The following CBFA2T2 variants were observed in gnomAD, a reference collection of about 807,000 sequenced individuals.
CBFA2T2 encodes protein CBFA2T2.
Under a neutral mutation model 62.2 loss-of-function variants are expected in CBFA2T2, and 11 were observed. That is an observed-to-expected ratio of 0.18 (90% CI 0.11 to 0.29). The LOEUF (loss-of-function observed/expected upper bound fraction) is 0.29. Among genes scored for constraint, CBFA2T2 ranks in the 10% least tolerant of loss-of-function variants. The pLI is 1.00. For missense variants in CBFA2T2, 592 were observed against 774.1 expected (o/e 0.76, Z 2.79); for synonymous variants, 295 against 287.5 (o/e 1.03, Z -0.27).
intron 1 of CBFA2T2, among the ~76,000 whole-genome samples, chr20:33,515,274 C>A (rs957494145): frequency 1.3e-5 from 2 of 148,772 alleles, no homozygotes; most frequent in Non-Finnish European, 3.0e-5. Flanking sequence ...TTGCTTGAAA[C>A]CTGGAGGTGG....
At chr20:33,536,004 A>G (rs1178834040) in intron 1 of CBFA2T2, among the ~76,000 whole-genome samples, 1 of 152,260 alleles carries the variant, frequency 6.6e-6, no homozygotes, top group Non-Finnish European at 1.5e-5. Context: ...ACCGATCAAC[A>G]GGATCCCAAG....
chr20:33,545,503 CA>C (rs1428999139), intron 1 of CBFA2T2, among the ~76,000 whole-genome samples: 2 of 131,310 alleles, frequency 1.5e-5, no homozygotes, highest in African/African-American at 6.5e-5. Context: ...GGCTGGAGTG[CA>C]ATGGCACGAT....
At chr20:33,638,630 CTG>C (rs1484672627) in intron 9 of CBFA2T2, 1 of 152,196 alleles carries the variant, frequency 6.6e-6, no homozygotes, top group Non-Finnish European at 1.5e-5. Context: ...GCCTAGAACT[CTG>C]TGTTTGAACC....
chr20:33,573,716 G>A (rs1253989841), intron 1 of CBFA2T2, among the ~76,000 whole-genome samples: 3 of 151,848 alleles, frequency 2.0e-5, no homozygotes, highest in African/African-American at 4.8e-5. Flanking sequence ...TCCTGACCTC[G>A]TGATCCGCCC....
At chr20:33,552,773 C>T (rs954873890) in intron 1 of CBFA2T2, among the ~76,000 whole-genome samples, 6 of 152,184 alleles carry the variant, frequency 3.9e-5, no homozygotes, top group African/African-American at 9.7e-5. Flanking sequence ...TCCTTCTGCA[C>T]GTTTAATGCT....
intron 9 of CBFA2T2, chr20:33,639,570 TCG>T (rs2016752758): frequency 6.8e-6 from 1 of 146,002 alleles, no homozygotes; most frequent in African/African-American, 2.5e-5. Context: ...CGGGACTCCG[TCG>T]CAAAAAAAAA....
intron 1 of CBFA2T2, among the ~76,000 whole-genome samples, chr20:33,580,105 C>G (rs960422364): frequency 2.6e-5 from 4 of 152,130 alleles, no homozygotes; most frequent in African/African-American, 9.7e-5. Context: ...GTGTGAGCCA[C>G]TGCGCCTGGC....
At chr20:33,503,797 G>T (rs908498941) in intron 1 of CBFA2T2, among the ~76,000 whole-genome samples, 1 of 151,996 alleles carries the variant, frequency 6.6e-6, no homozygotes, top group Non-Finnish European at 1.5e-5. Context: ...CTGGGATTCA[G>T]GCATATGCCA....
intron 1 of CBFA2T2, among the ~76,000 whole-genome samples, chr20:33,517,406 C>T (rs1438498415): frequency 6.6e-6 from 1 of 151,256 alleles, no homozygotes; most frequent in Non-Finnish European, 1.5e-5. Context: ...ATTATTTCCA[C>T]TATTGTAAAC....
intron 1 of CBFA2T2, among the ~76,000 whole-genome samples, chr20:33,493,956 T>C (rs988978567): frequency 2.0e-5 from 3 of 151,776 alleles, no homozygotes; most frequent in African/African-American, 7.3e-5. Flanking sequence ...CGATCTCGGC[T>C]CACTGCATCG....
At chr20:33,567,282 A>G (rs561494225) in intron 1 of CBFA2T2, among the ~76,000 whole-genome samples, 46 of 152,330 alleles carry the variant, frequency 3.0e-4, no homozygotes, top group African/African-American at 9.6e-4. Flanking sequence ...TTATCGTTCA[A>G]TCCTCAGCAG....
At position 33,544,985 on chromosome 20, in the gene CBFA2T2, T is replaced by TAGAACAGAACAGAACAGAAC. The variant is rs1465934143; in HGVS notation, c.34+54688_34+54689insCAGAACAGAACAGAACAGAA. On this transcript the variant is annotated intron_variant, in intron 1 of 10. Transcript: ENST00000342704. ...TAGAATAGAATAGAATAGAATAGAA[T>TAGAACAGAACAGAACAGAAC]AGAATAGAATAGAATAGAATAGAAT... is the stretch of plus-strand genomic sequence containing the variant. Among the ~76,000 whole-genome samples the TAGAACAGAACAGAACAGAAC allele has an allele frequency of 1.9e-3, 250 of 134,630 alleles. 2 individuals carry two copies. The highest frequency in any genetic ancestry group is 7.6e-3 in the African/African-American group (230 of 30,202). The allele number at this position is 134,630 out of a possible 152,430, so 88.3% of individuals were successfully genotyped here. A position where few individuals can be genotyped will look rare whatever the true frequency, so the allele number is the denominator to read the frequency against.
chr20:33,492,527 C>CT (rs1438490863), intron 1 of CBFA2T2, among the ~76,000 whole-genome samples: 1 of 151,240 alleles, frequency 6.6e-6, no homozygotes, highest in African/African-American at 2.4e-5. Context: ...TTCTTTTTTC[C>CT]TTTTTTTGAG....
chr20:33,625,789 A>G (rs2016198673), intron 6 of CBFA2T2, among the ~76,000 whole-genome samples: 1 of 152,150 alleles, frequency 6.6e-6, no homozygotes, highest in African/African-American at 2.4e-5. Context: ...CTCTACAACA[A>G]CAACAACAAA....
At chr20:33,534,460 G>C (rs762917129) in intron 1 of CBFA2T2, among the ~76,000 whole-genome samples, 2 of 151,954 alleles carry the variant, frequency 1.3e-5, no homozygotes, top group Non-Finnish European at 2.9e-5. Context: ...CTACAGGCAC[G>C]CGCCACCACG....
intron 1 of CBFA2T2, among the ~76,000 whole-genome samples, chr20:33,506,577 T>G (rs1371300090): frequency 6.6e-6 from 1 of 152,228 alleles, no homozygotes; most frequent in Non-Finnish European, 1.5e-5. Flanking sequence ...GTTTTCCTTC[T>G]GTGCCCTAAC....
At chr20:33,545,332 A>T (rs1244592772) in intron 1 of CBFA2T2, among the ~76,000 whole-genome samples, 1 of 152,216 alleles carries the variant, frequency 6.6e-6, no homozygotes, top group Non-Finnish European at 1.5e-5. Context: ...TTCCTGTGGA[A>T]CACTTAACTA....
At chr20:33,567,080 AT>A (rs1666145023) in intron 1 of CBFA2T2, among the ~76,000 whole-genome samples, 1 of 152,234 alleles carries the variant, frequency 6.6e-6, no homozygotes, top group Non-Finnish European at 1.5e-5. Flanking sequence ...ACAACATATT[AT>A]AACTGGTGTT....
At chr20:33,579,892 G>A (rs968606279) in intron 1 of CBFA2T2, among the ~76,000 whole-genome samples, 9 of 150,014 alleles carry the variant, frequency 6.0e-5, no homozygotes, top group South Asian at 2.1e-4. Context: ...TCGGCTCACC[G>A]CAACCTCTGC....
Sources: allele counts gnomAD v4.1 joint callset (sites outside exome capture counted in the v4.1 genomes callset), GRCh38; gene constraint gnomAD v4.1.1; transcripts MANE v1.5; gene names NCBI Gene and HGNC (gene_info 2026-07-23, HGNC 2026-07-21).